Variants in ATXN1 observed in about 807,000 individuals in gnomAD.
The protein encoded by ATXN1 is ataxin 1.
In ATXN1, 8 loss-of-function variants were observed where a neutral mutation model predicts 56.4. That is an observed-to-expected ratio of 0.14 (90% CI 0.08 to 0.26). ATXN1 has a LOEUF of 0.26. Ranked by LOEUF, ATXN1 falls within the 10% of genes least tolerant of loss-of-function variation. The pLI, the probability that ATXN1 is intolerant of heterozygous loss-of-function variation, is 1.00. For synonymous variants in ATXN1, 514 were observed against 494.6 expected, an observed-to-expected ratio of 1.04 and a Z score of -0.52; for missense variants, 987 against 1,106.5, an observed-to-expected ratio of 0.89 and a Z score of 1.53.
chr6:16,313,051 T>A (rs908719180), intron 7 of ATXN1, among the ~76,000 whole-genome samples: 5 of 152,024 alleles, frequency 3.3e-5, no homozygotes, highest in African/African-American at 1.2e-4. Flanking sequence ...CTAATTTTTG[T>A]ATTTTTTAGT....
intron 7 of ATXN1, among the ~76,000 whole-genome samples, chr6:16,313,392 A>T (rs978967185): frequency 4.6e-5 from 7 of 151,978 alleles, no homozygotes; most frequent in African/African-American, 1.7e-4. Flanking sequence ...GTCTCTAAAA[A>T]CCAAACCAAA....
chr6:16,758,720 T>A (rs1760963877), intron 1 of ATXN1, among the ~76,000 whole-genome samples: 2 of 151,758 alleles, frequency 1.3e-5, no homozygotes, highest in South Asian at 4.2e-4. Flanking sequence ...AGGACTGGAG[T>A]AAGTGCACCG....
intron 3 of ATXN1, among the ~76,000 whole-genome samples, chr6:16,600,962 C>A (rs1022769153): frequency 2.0e-5 from 3 of 152,180 alleles, no homozygotes; most frequent in African/African-American, 7.2e-5. Context: ...AGTTGTCTTC[C>A]TGTGTACTCT....
chr6:16,467,541 G>C (rs1760132213), intron 6 of ATXN1, among the ~76,000 whole-genome samples: 1 of 152,192 alleles, frequency 6.6e-6, no homozygotes, highest in East Asian at 1.9e-4. Context: ...ACGCATCCCA[G>C]TGACAGTATT....
At chr6:16,594,378 C>G (rs982980070) in intron 3 of ATXN1, among the ~76,000 whole-genome samples, 2 of 151,846 alleles carry the variant, frequency 1.3e-5, no homozygotes, top group African/African-American at 4.8e-5. Context: ...AGCAGTGCAC[C>G]CCACCATTTT....
intron 6 of ATXN1, among the ~76,000 whole-genome samples, chr6:16,451,545 C>A (rs1366789507): frequency 2.0e-5 from 3 of 152,098 alleles, no homozygotes; most frequent in Non-Finnish European, 4.4e-5. Context: ...CACCTGAGGT[C>A]GGGAGTTGGA....
intron 7 of ATXN1, among the ~76,000 whole-genome samples, chr6:16,313,432 G>A (rs144733152): frequency 6.6e-6 from 1 of 152,228 alleles, no homozygotes; most frequent in East Asian, 1.9e-4. Flanking sequence ...TCCAAAGACA[G>A]GCCTTAGAAT....
chr6:16,501,481 C>A (rs902066637), intron 5 of ATXN1, among the ~76,000 whole-genome samples: 11 of 152,224 alleles, frequency 7.2e-5, no homozygotes, highest in South Asian at 2.1e-4. Context: ...CCTTGCCCCC[C>A]ACTCACCGAT....
At chr6:16,347,970 G>A (rs1418770922) in intron 6 of ATXN1, among the ~76,000 whole-genome samples, 1 of 152,158 alleles carries the variant, frequency 6.6e-6, no homozygotes, top group Non-Finnish European at 1.5e-5. Context: ...GGAAAGGTCT[G>A]CAGCTTCATT....
chr6:16,595,417 A>G (rs1762796833), intron 3 of ATXN1, among the ~76,000 whole-genome samples: 1 of 152,204 alleles, frequency 6.6e-6, no homozygotes, highest in African/African-American at 2.4e-5. Flanking sequence ...GGGCATGAGT[A>G]CAGAATTGGC....
At chr6:16,378,978 G>C (rs1227452046) in intron 6 of ATXN1, among the ~76,000 whole-genome samples, 1 of 152,134 alleles carries the variant, frequency 6.6e-6, no homozygotes, top group Non-Finnish European at 1.5e-5. Context: ...GTTTATAGCA[G>C]CACAATTCAC....
Position 16,327,684 on chromosome 6 carries a change from ATGCTGCTGCTGCTGCTGCTGCTGC to A in ATXN1, c.603_626del (p.Gln201_Gln208del), listed in dbSNP as rs193922926. ...GCTGCTGCTGCTGCTGCTGATGCTGATGCTGCTGCTGCTGCTGCTGCTGCTGCTGCTGCTGCTGCTCAGCCTTGT... is the reference window on the plus strand; with the variant it reads ...GCTGCTGCTGCTGCTGCTGATGCTGATGCTGCTGCTGCTGCTCAGCCTTGT... On this transcript the variant is annotated inframe_deletion, in exon 7 of 8. Transcript: ENST00000436367. 27 of 1,474,188 alleles carry A rather than the reference ATGCTGCTGCTGCTGCTGCTGCTGC, an allele frequency of 1.8e-5. No individual in the cohort carries two copies. Among genetic ancestry groups the A allele is most frequent in the Admixed American group, 4.1e-5 (2 of 48,822 alleles). The allele number at this position is 1,474,188 out of a possible 1,614,324, so 91.3% of individuals were successfully genotyped here. A position where few individuals can be genotyped will look rare whatever the true frequency, so the allele number is the denominator to read the frequency against.
intron 4 of ATXN1, among the ~76,000 whole-genome samples, chr6:16,529,575 T>C (rs1241416258): frequency 6.6e-6 from 1 of 152,214 alleles, no homozygotes; most frequent in Non-Finnish European, 1.5e-5. Flanking sequence ...GCAGGAATAA[T>C]AATGGCTCAA....
chr6:16,531,570 C>A (rs1761504235), intron 4 of ATXN1, among the ~76,000 whole-genome samples: 2 of 151,182 alleles, frequency 1.3e-5, no homozygotes, highest in Non-Finnish European at 2.9e-5. Context: ...TTGCAGTGAG[C>A]CGAGATCATG....
intron 2 of ATXN1, among the ~76,000 whole-genome samples, chr6:16,672,646 GCA>G (rs1758569179): frequency 6.6e-6 from 1 of 152,208 alleles, no homozygotes. Flanking sequence ...TGGAAACACA[GCA>G]CAGAGAGATG....
chr6:16,370,868 G>T (rs1333911759), intron 6 of ATXN1, among the ~76,000 whole-genome samples: 2 of 152,166 alleles, frequency 1.3e-5, no homozygotes, highest in Non-Finnish European at 2.9e-5. Flanking sequence ...AAATCCAAAA[G>T]CACTTGGCAA....
intron 4 of ATXN1, among the ~76,000 whole-genome samples, chr6:16,561,791 G>C (rs961008839): frequency 3.3e-5 from 5 of 152,150 alleles, no homozygotes; most frequent in African/African-American, 1.2e-4. Flanking sequence ...AACCAGAGAT[G>C]CAACAGAAGC....
chr6:16,482,284 G>C (rs1760455562), intron 6 of ATXN1, among the ~76,000 whole-genome samples: 1 of 152,120 alleles, frequency 6.6e-6, no homozygotes, highest in Non-Finnish European at 1.5e-5. Flanking sequence ...CAGTATTTTA[G>C]GTACTATTCA....
At chr6:16,529,737 A>T (rs894519658) in intron 4 of ATXN1, among the ~76,000 whole-genome samples, 28 of 152,174 alleles carry the variant, frequency 1.8e-4, no homozygotes, top group Admixed American at 1.8e-3. Flanking sequence ...AAATTGAGTT[A>T]GGACTTAAGT....
Sources: allele counts gnomAD v4.1 joint callset (sites outside exome capture counted in the v4.1 genomes callset), GRCh38; gene constraint gnomAD v4.1.1; transcripts MANE v1.5; gene names NCBI Gene and HGNC (gene_info 2026-07-23, HGNC 2026-07-21).